Variants in SMAD3 observed in about 807,000 individuals in gnomAD.
The protein encoded by SMAD3 is MAD homolog 3.
Under a neutral mutation model 51.8 loss-of-function variants are expected in SMAD3, and 12 were observed. The ratio of observed to expected loss-of-function variants is 0.23; its 90% CI spans 0.15 to 0.38. SMAD3 has a LOEUF of 0.38. Among genes scored for constraint, SMAD3 ranks in the 10% least tolerant of loss-of-function variants. SMAD3 has a pLI of 1.00. For missense variants in SMAD3, 294 were observed against 565.6 expected (o/e 0.52, Z 4.87); for synonymous variants, 238 against 227.7 (o/e 1.05, Z -0.41).
At position 67,194,527 on chromosome 15, in the gene SMAD3, T is replaced by TC. The variant is rs1228874549; in HGVS notation, c.*3992dup. ...TTTTTAATGCAGAAGTAATGTATACTCTAGTATTCTGGTGTTTTTATATTT... is the reference window on the plus strand; with the variant it reads ...TTTTTAATGCAGAAGTAATGTATACTCCTAGTATTCTGGTGTTTTTATATTT... On this transcript the variant is annotated 3_prime_UTR_variant, in exon 9 of 9. Coordinates refer to ENST00000327367, the MANE Select transcript of SMAD3 (RefSeq NM_005902.4). 1 of 232,264 alleles carries TC rather than the reference T, an allele frequency of 4.3e-6. No individual in the cohort carries two copies. The highest frequency in any genetic ancestry group is 8.5e-6 in the Non-Finnish European group (1 of 117,816). The allele number at this position is 232,264 out of a possible 1,614,324, so 14.4% of individuals were successfully genotyped here. A position where few individuals can be genotyped will look rare whatever the true frequency, so the allele number is the denominator to read the frequency against.
rs1963444934 is a variant in SMAD3, at chr15:67,194,266, A to T, written c.*3730A>T. ...TTTCAGGTAACCGTCTTCACAATGTATTTTCATCACAGTTTAAGGAGCATC... is the reference window on the plus strand; with the variant it reads ...TTTCAGGTAACCGTCTTCACAATGTTTTTTCATCACAGTTTAAGGAGCATC... On this transcript the variant is annotated 3_prime_UTR_variant, in exon 9 of 9. Coordinates refer to ENST00000327367, the MANE Select transcript of SMAD3 (RefSeq NM_005902.4). 4.3e-6 allele frequency: 1 copy of T among 233,242 alleles called. No homozygotes were observed. Among genetic ancestry groups the T allele is most frequent in the South Asian group, 1.8e-4 (1 of 5,528 alleles). The allele number at this position is 233,242 out of a possible 1,614,324, so 14.4% of individuals were successfully genotyped here.
Position 67,193,314 on chromosome 15 carries a change from C to T in SMAD3, c.*2778C>T. The stretch of plus-strand genomic sequence containing the variant: ...TGTTGCCCCTGCCCTGGGCTCCCCG[C>T]CATGACATCTTCACCTTGCAGCTTG... On this transcript the variant is annotated 3_prime_UTR_variant, in exon 9 of 9. Coordinates refer to ENST00000327367, the MANE Select transcript of SMAD3 (RefSeq NM_005902.4). 8.6e-6 allele frequency: 2 copies of T among 233,516 alleles called. No individual in the cohort carries two copies. The highest frequency in any genetic ancestry group is 8.5e-6 in the Non-Finnish European group (1 of 118,082). 14.5% of individuals were successfully genotyped at this position (233,516 alleles called of 1,614,324 possible). A position where few individuals can be genotyped will look rare whatever the true frequency, so the allele number is the denominator to read the frequency against.
chr15:67,137,552 A>T (rs983278552), intron 1 of SMAD3, among the ~76,000 whole-genome samples: 1 of 151,952 alleles, frequency 6.6e-6, no homozygotes, highest in Non-Finnish European at 1.5e-5. Flanking sequence ...TTGGTTAGTG[A>T]CTTTCATGGT....
chr15:67,166,114 T>C, intron 3 of SMAD3: 1 of 982,078 alleles, frequency 1.0e-6, no homozygotes, highest in Non-Finnish European at 1.2e-6. Context: ...CAGGCCTGTG[T>C]GCTTGGGTCA....
At chr15:67,168,807 G>T (rs978270462) in intron 4 of SMAD3, among the ~76,000 whole-genome samples, 6 of 152,110 alleles carry the variant, frequency 3.9e-5, no homozygotes, top group Admixed American at 2.6e-4. Context: ...GTGTGTGGGT[G>T]GGGGCTCTCC....
chr15:67,188,214 C>T (rs1382229704), intron 8 of SMAD3, among the ~76,000 whole-genome samples: 2 of 144,492 alleles, frequency 1.4e-5, no homozygotes, highest in African/African-American at 5.1e-5. Context: ...TGAGTGGCAC[C>T]ATCTTGGCTT....
chr15:67,088,941 G>A lies in SMAD3; in HGVS notation c.206+22581G>A, dbSNP rs142326759. On this transcript the variant is annotated intron_variant, in intron 1 of 8. Coordinates refer to ENST00000327367, the MANE Select transcript of SMAD3 (RefSeq NM_005902.4). ...GACTCTGTCTTAAAAAAAAGGGGGTGCTGGAGAGCATGTGGGGTGGATAGG... is the reference window on the plus strand; with the variant it reads ...GACTCTGTCTTAAAAAAAAGGGGGTACTGGAGAGCATGTGGGGTGGATAGG... Among the ~76,000 whole-genome samples, 565 of 152,206 alleles carry A rather than the reference G, an allele frequency of 3.7e-3. 2 individuals are homozygous for A. The highest frequency in any genetic ancestry group is 0.013 in the African/African-American group (536 of 41,552).
At chr15:67,097,135 G>A (rs1208160411) in intron 1 of SMAD3, among the ~76,000 whole-genome samples, 2 of 152,180 alleles carry the variant, frequency 1.3e-5, no homozygotes, top group Admixed American at 1.3e-4. Flanking sequence ...TGTTAAAAAT[G>A]TGGGTACTTG....
At chr15:67,150,847 C>CTTTTTTTTTTTTTT (rs58914503) in intron 1 of SMAD3, among the ~76,000 whole-genome samples, 7 of 14,672 alleles carry the variant, frequency 4.8e-4, no homozygotes, top group Non-Finnish European at 7.9e-4. Context: ...ATTTCTCAGT[C>CTTTTTTTTTTTTTT]TTTTTTTTTT....
chr15:67,077,090 T>C (rs1026684314), intron 1 of SMAD3, among the ~76,000 whole-genome samples: 17 of 152,196 alleles, frequency 1.1e-4, no homozygotes, highest in African/African-American at 3.1e-4. Context: ...CCTGGACTTA[T>C]TAAAGTATTG....
chr15:67,072,165 G>C (rs1038318488), intron 1 of SMAD3, among the ~76,000 whole-genome samples: 1 of 152,176 alleles, frequency 6.6e-6, no homozygotes, highest in African/African-American at 2.4e-5. Flanking sequence ...GTTTAATAAT[G>C]TAAACATGTG....
chr15:67,090,207 G>A (rs1416457640), intron 1 of SMAD3, among the ~76,000 whole-genome samples: 1 of 152,206 alleles, frequency 6.6e-6, no homozygotes, highest in East Asian at 1.9e-4. Flanking sequence ...GGACTCTGAA[G>A]GAATGCAGTG....
intron 4 of SMAD3, among the ~76,000 whole-genome samples, chr15:67,168,642 T>A (rs1198205820): frequency 6.6e-6 from 1 of 152,234 alleles, no homozygotes; most frequent in Admixed American, 6.5e-5. Flanking sequence ...TGTCAGCTCT[T>A]GTTTCTTCTC....
chr15:67,144,270 A>AT (rs1180557575), intron 1 of SMAD3, among the ~76,000 whole-genome samples: 18 of 151,688 alleles, frequency 1.2e-4, no homozygotes, highest in East Asian at 7.7e-4. Flanking sequence ...CTTTTGTCTG[A>AT]TTTTTTTTAA....
intron 4 of SMAD3, among the ~76,000 whole-genome samples, chr15:67,167,614 G>A (rs1962626670): frequency 6.6e-6 from 1 of 152,204 alleles, no homozygotes; most frequent in Non-Finnish European, 1.5e-5. Context: ...GACCAGTGGA[G>A]ACCCCTGAAG....
chr15:67,104,132 C>G (rs1049886329), intron 1 of SMAD3, among the ~76,000 whole-genome samples: 1 of 152,116 alleles, frequency 6.6e-6, no homozygotes, highest in African/African-American at 2.4e-5. Flanking sequence ...TCAGGATTTT[C>G]GTCTGCCCCC....
intron 1 of SMAD3, among the ~76,000 whole-genome samples, chr15:67,151,795 G>T (rs1286941270): frequency 3.3e-5 from 5 of 152,090 alleles, no homozygotes; most frequent in Non-Finnish European, 5.9e-5. Context: ...TCTCCATCCT[G>T]TCAAGCATTT....
intron 1 of SMAD3, among the ~76,000 whole-genome samples, chr15:67,150,943 C>A (rs963451373): frequency 6.9e-6 from 1 of 145,526 alleles, no homozygotes; most frequent in Non-Finnish European, 1.5e-5. Flanking sequence ...GCAACCTCCA[C>A]CTCCCAGGTT....
chr15:67,149,305 A>G (rs1325545013), intron 1 of SMAD3, among the ~76,000 whole-genome samples: 1 of 152,134 alleles, frequency 6.6e-6, no homozygotes, highest in African/African-American at 2.4e-5. Flanking sequence ...AGGCCTGTCT[A>G]GGAAGTGGGG....
Sources: allele counts gnomAD v4.1 joint callset (sites outside exome capture counted in the v4.1 genomes callset), GRCh38; gene constraint gnomAD v4.1.1; transcripts MANE v1.5; gene names NCBI Gene and HGNC (gene_info 2026-07-23, HGNC 2026-07-21).